The following GABRG2 variants were observed in gnomAD, a reference collection of about 807,000 sequenced individuals.
GABRG2 encodes the protein gamma-aminobutyric acid type A receptor subunit gamma2, also known as gamma-aminobutyric acid receptor subunit gamma-2.
In GABRG2, 16 loss-of-function variants were observed where a neutral mutation model predicts 56.4. That is an observed-to-expected ratio of 0.28 (90% CI 0.19 to 0.43). The LOEUF (loss-of-function observed/expected upper bound fraction) is 0.43. Among genes scored for constraint, GABRG2 ranks in the 20% least tolerant of loss-of-function variants. The pLI is 1.00. For synonymous variants in GABRG2, 208 were observed against 205.5 expected (o/e 1.01, Z -0.10); for missense variants, 327 against 582.7 (o/e 0.56, Z 4.52).
At chr5:162,084,778 T>A (rs1225459736) in intron 1 of GABRG2, among the ~76,000 whole-genome samples, 1 of 151,956 alleles carries the variant, frequency 6.6e-6, no homozygotes, top group African/African-American at 2.4e-5. Context: ...CCTTCTCTTT[T>A]ATGGTTTGCA....
chr5:162,106,011 T>A (rs1209999716), intron 6 of GABRG2, among the ~76,000 whole-genome samples: 1 of 152,052 alleles, frequency 6.6e-6, no homozygotes. Context: ...AAGAGTGGTA[T>A]GAAGAACTAA....
intron 6 of GABRG2, among the ~76,000 whole-genome samples, chr5:162,123,911 C>T (rs910244519): frequency 6.6e-6 from 1 of 151,668 alleles, no homozygotes; most frequent in Non-Finnish European, 1.5e-5. Flanking sequence ...ACTATAGAAG[C>T]AACATCTTCA....
Position 162,096,587 on chromosome 5 carries a change from A to T in GABRG2, c.327+1025A>T, listed in dbSNP as rs866625859. ...TCATTACTTGTAGACTGTAAAAATG[A>T]AACTAAATGATGAACAAGGGTGGAA... On this transcript the variant is annotated intron_variant, in intron 3 of 9. Transcript: ENST00000639213. Among the ~76,000 whole-genome samples the T allele has an allele frequency of 3.9e-5, 6 of 152,070 alleles. 1 individual carries two copies. The highest frequency in any genetic ancestry group is 2.0e-4 in the Admixed American group (3 of 15,256).
intron 6 of GABRG2, among the ~76,000 whole-genome samples, chr5:162,119,770 T>A (rs1268420013): frequency 6.6e-6 from 1 of 152,182 alleles, no homozygotes; most frequent in Non-Finnish European, 1.5e-5. Flanking sequence ...TTCCCATTTT[T>A]ATTTTTTTCT....
At chr5:162,085,450 T>C (rs1312279297) in intron 1 of GABRG2, among the ~76,000 whole-genome samples, 1 of 152,004 alleles carries the variant, frequency 6.6e-6, no homozygotes, top group Non-Finnish European at 1.5e-5. Flanking sequence ...TGCATATTTT[T>C]CTTTCTATCC....
chr5:162,100,928 G>A (rs553097974), intron 4 of GABRG2, among the ~76,000 whole-genome samples: 3 of 152,190 alleles, frequency 2.0e-5, no homozygotes, highest in South Asian at 2.1e-4. Flanking sequence ...TTCACTGAGC[G>A]GTTTCACTTG....
At chr5:162,130,448 T>C (rs530636316) in intron 6 of GABRG2, among the ~76,000 whole-genome samples, 3 of 152,062 alleles carry the variant, frequency 2.0e-5, no homozygotes, top group Non-Finnish European at 4.4e-5. Flanking sequence ...TAGGTTTCTC[T>C]ACCTCTGTGG....
intron 6 of GABRG2, among the ~76,000 whole-genome samples, chr5:162,119,401 T>G (rs1019690329): frequency 6.6e-6 from 1 of 152,176 alleles, no homozygotes; most frequent in Non-Finnish European, 1.5e-5. Flanking sequence ...TTAACATATT[T>G]TATTTGTTGA....
intron 6 of GABRG2, among the ~76,000 whole-genome samples, chr5:162,126,574 T>A (rs1763355541): frequency 6.6e-6 from 1 of 151,902 alleles, no homozygotes; most frequent in Admixed American, 6.6e-5. Flanking sequence ...GCCTAGGAAA[T>A]GCTTCACATC....
At chr5:162,078,510 A>G (rs1759379129) in intron 1 of GABRG2, among the ~76,000 whole-genome samples, 2 of 142,216 alleles carry the variant, frequency 1.4e-5, no homozygotes, top group African/African-American at 5.3e-5. Flanking sequence ...AGGTTCATGC[A>G]TTCTCCCACT....
chr5:162,145,467 A>G (rs1371983608), intron 7 of GABRG2, among the ~76,000 whole-genome samples: 2 of 152,182 alleles, frequency 1.3e-5, no homozygotes, highest in South Asian at 2.1e-4. Context: ...TTACTTATCA[A>G]AATGGAAGCT....
chr5:162,108,446 T>C (rs894802049), intron 6 of GABRG2, among the ~76,000 whole-genome samples: 1 of 152,188 alleles, frequency 6.6e-6, no homozygotes, highest in Non-Finnish European at 1.5e-5. Flanking sequence ...TGAATCTCAA[T>C]CTCTTTCTGT....
chr5:162,139,280 A>G (rs184586286), intron 6 of GABRG2, among the ~76,000 whole-genome samples: 16 of 152,324 alleles, frequency 1.1e-4, no homozygotes, highest in Admixed American at 9.1e-4. Context: ...CTTGCTTGGC[A>G]TTTAAACCTT....
intron 2 of GABRG2, chr5:162,094,470 G>A (rs926334031): frequency 6.0e-6 from 1 of 167,332 alleles, no homozygotes; most frequent in Admixed American, 5.8e-5. Flanking sequence ...TGTACTTTAC[G>A]TGTTCCTCGT....
chr5:162,105,758 G>A (rs1470789855), intron 6 of GABRG2, among the ~76,000 whole-genome samples: 3 of 150,606 alleles, frequency 2.0e-5, no homozygotes, highest in Non-Finnish European at 4.4e-5. Flanking sequence ...GGTTCAAAAA[G>A]GAAAAGTTCA....
At chr5:162,072,416 T>G (rs577343092) in intron 1 of GABRG2, among the ~76,000 whole-genome samples, 2 of 152,026 alleles carry the variant, frequency 1.3e-5, no homozygotes, top group African/African-American at 4.8e-5. Context: ...TGAATTATAA[T>G]GAAAAGTTAT....
At chr5:162,147,290 C>CCTTT (rs200615725) in intron 7 of GABRG2, among the ~76,000 whole-genome samples, 2 of 142,198 alleles carry the variant, frequency 1.4e-5, no homozygotes, top group East Asian at 2.0e-4. Flanking sequence ...TTTTCTTTCT[C>CCTTT]CTTTCTTTCT....
chr5:162,129,381 T>G (rs1270629562), intron 6 of GABRG2: 1 of 151,670 alleles, frequency 6.6e-6, no homozygotes, highest in African/African-American at 2.4e-5. Context: ...TTTCTTAACG[T>G]GAAAAAGATT....
chr5:162,146,454 GGT>G (rs1764955475), intron 7 of GABRG2, among the ~76,000 whole-genome samples: 1 of 151,932 alleles, frequency 6.6e-6, no homozygotes, highest in African/African-American at 2.4e-5. Context: ...CACAGTATCT[GGT>G]CAAAGAAAAA....
Sources: allele counts gnomAD v4.1 joint callset (sites outside exome capture counted in the v4.1 genomes callset), GRCh38; gene constraint gnomAD v4.1.1; transcripts MANE v1.5; gene names NCBI Gene and HGNC (gene_info 2026-07-23, HGNC 2026-07-21).